Variants in RAB38 observed in about 807,000 individuals in gnomAD.
RAB38 encodes RAB38, member RAS oncogene family.
A neutral mutation model predicts 18.4 loss-of-function variants in RAB38; 15 were observed. The observed-to-expected ratio is 0.82, with a 90% CI of 0.55 to 1.26. The LOEUF is 1.26. Among genes scored for constraint, RAB38 ranks in the 50% most tolerant of loss-of-function variants. The pLI is 0.00. For synonymous variants in RAB38, 101 were observed against 104.4 expected (o/e 0.97, Z 0.20); for missense variants, 294 against 267.4 (o/e 1.10, Z -0.69).
chr11:87,822,327 T>C, the RAB38 span, among the ~76,000 whole-genome samples: 1 of 152,328 alleles, frequency 6.6e-6, no homozygotes, highest in African/African-American at 2.4e-5. Context: ...ATGTATTAGA[T>C]AATGATTGCT....
chr11:88,137,822 A>G (rs1942855633), intron 2 of RAB38, among the ~76,000 whole-genome samples: 2 of 152,234 alleles, frequency 1.3e-5, no homozygotes, highest in African/African-American at 4.8e-5. Context: ...CAGCTTATGC[A>G]CAAAGCTTTA....
chr11:88,037,001 T>A, the RAB38 span, among the ~76,000 whole-genome samples: 1 of 152,048 alleles, frequency 6.6e-6, no homozygotes, highest in Non-Finnish European at 1.5e-5. Flanking sequence ...TACATTTATT[T>A]CAAACTTTTT....
At chr11:87,954,699 C>T in the RAB38 span, among the ~76,000 whole-genome samples, 10 of 152,050 alleles carry the variant, frequency 6.6e-5, no homozygotes, top group East Asian at 1.2e-3. Flanking sequence ...AAGGTATAGG[C>T]GAGCCCGGGA....
At chr11:87,821,007 C>T in the RAB38 span, among the ~76,000 whole-genome samples, 7 of 152,024 alleles carry the variant, frequency 4.6e-5, no homozygotes, top group Non-Finnish European at 7.4e-5. Flanking sequence ...TGGAGTAAGA[C>T]AATCCAACAT....
chr11:88,123,978 C>G (rs1216441072), intron 2 of RAB38, among the ~76,000 whole-genome samples: 1 of 152,130 alleles, frequency 6.6e-6, no homozygotes, highest in East Asian at 1.9e-4. Context: ...TTCTTATGCC[C>G]TAGCCCTTAA....
At chr11:88,023,132 G>C in the RAB38 span, among the ~76,000 whole-genome samples, 1 of 151,742 alleles carries the variant, frequency 6.6e-6, no homozygotes, top group Non-Finnish European at 1.5e-5. Flanking sequence ...ATAAACTTGA[G>C]CTTGTACCCC....
the RAB38 span, among the ~76,000 whole-genome samples, chr11:88,009,810 G>T: frequency 1.3e-5 from 2 of 152,096 alleles, no homozygotes; most frequent in African/African-American, 4.8e-5. Flanking sequence ...AGAGCATTTT[G>T]TCTGTGCTCT....
the RAB38 span, among the ~76,000 whole-genome samples, chr11:87,916,933 G>A: frequency 6.6e-6 from 1 of 152,080 alleles, no homozygotes; most frequent in South Asian, 2.1e-4. Flanking sequence ...ACATGCTTAT[G>A]ATTTTTTTAG....
At chr11:87,976,492 A>G in the RAB38 span, among the ~76,000 whole-genome samples, 2 of 107,090 alleles carry the variant, frequency 1.9e-5, no homozygotes, top group African/African-American at 7.3e-5. Context: ...ATTTTTATAT[A>G]TTTATATATT....
At chr11:87,877,846 T>A in the RAB38 span, among the ~76,000 whole-genome samples, 1 of 151,482 alleles carries the variant, frequency 6.6e-6, no homozygotes, top group African/African-American at 2.4e-5. Context: ...ATCAAATCAA[T>A]CCCTCCTTGT....
chr11:87,925,554 G>T, the RAB38 span, among the ~76,000 whole-genome samples: 2 of 151,984 alleles, frequency 1.3e-5, no homozygotes, highest in Non-Finnish European at 2.9e-5. Context: ...ATATAATAAA[G>T]GTATGTTTAA....
the RAB38 span, among the ~76,000 whole-genome samples, chr11:87,945,071 T>A: frequency 1.3e-5 from 2 of 151,988 alleles, no homozygotes; most frequent in African/African-American, 4.8e-5. Context: ...AAAAGACACA[T>A]GGGTAAATTT....
the RAB38 span, among the ~76,000 whole-genome samples, chr11:87,873,922 GTATATATATATATA>G: frequency 9.7e-5 from 10 of 103,118 alleles, no homozygotes; most frequent in East Asian, 1.6e-3. Flanking sequence ...GTGTGTGTGT[GTATATATATATATA>G]TATATATATA....
the RAB38 span, among the ~76,000 whole-genome samples, chr11:88,038,058 G>T: frequency 5.0e-4 from 76 of 152,116 alleles, no homozygotes; most frequent in Admixed American, 2.4e-3. Flanking sequence ...TTGCTCATCT[G>T]TGAGTTGCCT....
chr11:88,027,859 G>A, the RAB38 span, among the ~76,000 whole-genome samples: 1 of 152,206 alleles, frequency 6.6e-6, no homozygotes, highest in African/African-American at 2.4e-5. Flanking sequence ...CTGTCTGACA[G>A]CTTTGAAGAG....
the RAB38 span, among the ~76,000 whole-genome samples, chr11:87,862,810 A>G: frequency 6.6e-6 from 1 of 152,028 alleles, no homozygotes; most frequent in East Asian, 1.9e-4. Context: ...AATGGCCGGT[A>G]TTATCACTTA....
At chr11:88,082,364 A>C in the RAB38 span, among the ~76,000 whole-genome samples, 1 of 151,880 alleles carries the variant, frequency 6.6e-6, no homozygotes. Context: ...TGCAAAGCCA[A>C]AAAGGAAGGA....
chr11:87,807,165 C>G, the RAB38 span, among the ~76,000 whole-genome samples: 1 of 152,186 alleles, frequency 6.6e-6, no homozygotes, highest in African/African-American at 2.4e-5. Context: ...CATCCCAAGA[C>G]CATCCCCCAC....
rs564859177 is a variant in RAB38 at position 88,131,991 on chromosome 11, T to C, written c.483+17684A>G. On this transcript the variant is annotated intron_variant, in intron 2 of 2. Coordinates refer to ENST00000243662, the MANE Select transcript of RAB38 (RefSeq NM_022337.3). ...GCCAGCAAGAAAACAGAAACCTCAGTCCTACAACCACAAGGAACTGAGTTC... is the reference window on the plus strand; with the variant it reads ...GCCAGCAAGAAAACAGAAACCTCAGCCCTACAACCACAAGGAACTGAGTTC... Among the ~76,000 whole-genome samples the C allele has an allele frequency of 1.4e-3, 220 of 152,222 alleles. 1 individual carries two copies. Among genetic ancestry groups the C allele is most frequent in the African/African-American group, 5.0e-3 (209 of 41,546 alleles).
Sources: allele counts gnomAD v4.1 joint callset (sites outside exome capture counted in the v4.1 genomes callset), GRCh38; gene constraint gnomAD v4.1.1; transcripts MANE v1.5; gene names NCBI Gene and HGNC (gene_info 2026-07-23, HGNC 2026-07-21).